The following GRM8 variants were observed in gnomAD, a reference collection of about 807,000 sequenced individuals.
GRM8 encodes glutamate metabotropic receptor 8, also known as metabotropic glutamate receptor 8.
A neutral mutation model predicts 87.2 loss-of-function variants in GRM8; 47 were observed. The ratio of observed to expected loss-of-function variants is 0.54; its 90% CI spans 0.43 to 0.69. GRM8 has a LOEUF of 0.69. GRM8 is among the 30% of genes least tolerant of loss of function. GRM8 has a pLI of 0.00. For synonymous variants in GRM8, 396 were observed against 404.5 expected (o/e 0.98, Z 0.25); for missense variants, 1,019 against 1,139.2 (o/e 0.89, Z 1.52).
intron 3 of GRM8, among the ~76,000 whole-genome samples, chr7:127,087,428 C>G (rs1285228960): frequency 6.6e-6 from 1 of 152,104 alleles, no homozygotes; most frequent in Non-Finnish European, 1.5e-5. Flanking sequence ...TAGGAAGAGG[C>G]AAAATTAAGA....
rs1562928467 is a variant in GRM8 at position 126,532,881 on chromosome 7, G to A, written c.2430+71C>T. On this transcript the variant is annotated intron_variant, in intron 9 of 10. Coordinates refer to ENST00000339582, the MANE Select transcript of GRM8 (RefSeq NM_000845.3). ...GAGAATATAAGTGAACCAAATAAAAGGAGGAAAAGCATCCTAAAAGAAGAT... is the reference window on the plus strand; with the variant it reads ...GAGAATATAAGTGAACCAAATAAAAAGAGGAAAAGCATCCTAAAAGAAGAT... The A allele has an allele frequency of 8.2e-6, 7 of 852,076 alleles. No homozygotes were observed. In the East Asian group the frequency reaches 1.8e-4, roughly 22 times the overall value. The allele number at this position is 852,076 out of a possible 1,614,324, so 52.8% of individuals were successfully genotyped here.
At chr7:126,815,065 A>G (rs1413379841) in intron 6 of GRM8, among the ~76,000 whole-genome samples, 1 of 152,140 alleles carries the variant, frequency 6.6e-6, no homozygotes, top group African/African-American at 2.4e-5. Context: ...CAATGGGCCA[A>G]TTACTTGATG....
At chr7:126,855,455 C>A (rs1037188680) in intron 6 of GRM8, among the ~76,000 whole-genome samples, 1 of 149,710 alleles carries the variant, frequency 6.7e-6, no homozygotes, top group African/African-American at 2.5e-5. Context: ...TTGTAAAGGG[C>A]AGCCCTTATG....
chr7:126,851,564 C>A (rs1353361140), intron 6 of GRM8, among the ~76,000 whole-genome samples: 3 of 152,128 alleles, frequency 2.0e-5, no homozygotes, highest in African/African-American at 7.2e-5. Flanking sequence ...TTAGCTACAC[C>A]TCCTTGTTGT....
intron 3 of GRM8, among the ~76,000 whole-genome samples, chr7:126,972,023 T>A (rs193098689): frequency 6.6e-6 from 1 of 152,274 alleles, no homozygotes; most frequent in Admixed American, 6.5e-5. Context: ...AGAGACAGGG[T>A]CTGCAGGTCA....
At chr7:126,771,871 C>A (rs919915023) in intron 6 of GRM8, among the ~76,000 whole-genome samples, 1 of 152,040 alleles carries the variant, frequency 6.6e-6, no homozygotes, top group African/African-American at 2.4e-5. Context: ...ATATTGTCTC[C>A]TTCAACCTAC....
intron 3 of GRM8, among the ~76,000 whole-genome samples, chr7:127,081,408 C>T (rs1474303560): frequency 6.6e-6 from 1 of 152,252 alleles, no homozygotes; most frequent in Admixed American, 6.5e-5. Flanking sequence ...GGCATCACCC[C>T]TACCCAGAGA....
At chr7:126,507,367 AT>A (rs1408894654) in intron 9 of GRM8, among the ~76,000 whole-genome samples, 2 of 152,098 alleles carry the variant, frequency 1.3e-5, no homozygotes, top group Non-Finnish European at 2.9e-5. Flanking sequence ...TTGAATAAAA[AT>A]AGCACGTCTT....
chr7:126,899,346 C>G (rs927760360), intron 6 of GRM8, among the ~76,000 whole-genome samples: 1 of 152,206 alleles, frequency 6.6e-6, no homozygotes, highest in East Asian at 1.9e-4. Flanking sequence ...ATTCATGTAT[C>G]CTCCTCTCCA....
chr7:126,717,308 C>G (rs1563119668), intron 7 of GRM8, among the ~76,000 whole-genome samples: 1 of 152,100 alleles, frequency 6.6e-6, no homozygotes, highest in Non-Finnish European at 1.5e-5. Flanking sequence ...GTGTGACTGA[C>G]AGGAAGGTCG....
chr7:126,641,246 A>G (rs540477794), intron 7 of GRM8, among the ~76,000 whole-genome samples: 1 of 152,202 alleles, frequency 6.6e-6, no homozygotes, highest in Non-Finnish European at 1.5e-5. Context: ...TATTCAATAA[A>G]ATCTTTTAAA....
intron 6 of GRM8, among the ~76,000 whole-genome samples, chr7:126,793,695 A>G (rs1821625215): frequency 6.6e-6 from 1 of 152,234 alleles, no homozygotes. Context: ...GAATTTAGAC[A>G]GGTTGATCCA....
chr7:126,929,867 A>AGAATG (rs58250531), intron 3 of GRM8, among the ~76,000 whole-genome samples: 6 of 151,702 alleles, frequency 4.0e-5, no homozygotes, highest in South Asian at 4.2e-4. Context: ...GTACTCATAC[A>AGAATG]AGATTTAAAA....
At position 126,633,938 on chromosome 7, in the gene GRM8, CAAGTAT is replaced by C. The variant is rs1801602500; in HGVS notation, c.1358-24446_1358-24441del. ...TATTTCTCATATTTTTAGTATATCA[CAAGTAT>C]ATGAAAAAATGCCTATTTTATCTTA... On this transcript the variant is annotated intron_variant, in intron 7 of 10. Transcript: ENST00000339582. 2.6e-5 allele frequency among the ~76,000 whole-genome samples: 4 copies of C among 151,716 alleles called. No individual in the cohort carries two copies. The South Asian group carries it at 8.3e-4, about 32-fold the overall frequency.
At chr7:127,119,394 G>A (rs1024547928) in intron 2 of GRM8, among the ~76,000 whole-genome samples, 2 of 152,118 alleles carry the variant, frequency 1.3e-5, no homozygotes, top group Non-Finnish European at 2.9e-5. Flanking sequence ...GCTGAGGTAT[G>A]AGAATCACTT....
intron 7 of GRM8, among the ~76,000 whole-genome samples, chr7:126,722,292 A>G (rs1359042779): frequency 2.6e-5 from 4 of 152,146 alleles, no homozygotes; most frequent in Non-Finnish European, 5.9e-5. Context: ...AAGGAAAGTG[A>G]GTTAGCCTAG....
chr7:126,577,974 T>C (rs1352004669), intron 8 of GRM8, among the ~76,000 whole-genome samples: 1 of 152,214 alleles, frequency 6.6e-6, no homozygotes, highest in African/African-American at 2.4e-5. Flanking sequence ...AATCTATTCA[T>C]TTCCTTCTCT....
At chr7:127,028,339 T>C (rs765908851) in intron 3 of GRM8, among the ~76,000 whole-genome samples, 4 of 152,312 alleles carry the variant, frequency 2.6e-5, no homozygotes, top group South Asian at 2.1e-4. Context: ...AGGATGATGC[T>C]GGCCTCATAA....
At chr7:126,529,065 T>C (rs1814381039) in intron 9 of GRM8, among the ~76,000 whole-genome samples, 1 of 152,210 alleles carries the variant, frequency 6.6e-6, no homozygotes, top group Non-Finnish European at 1.5e-5. Flanking sequence ...ACAACTATAA[T>C]AATTCTTGCT....
Sources: allele counts gnomAD v4.1 joint callset (sites outside exome capture counted in the v4.1 genomes callset), GRCh38; gene constraint gnomAD v4.1.1; transcripts MANE v1.5; gene names NCBI Gene and HGNC (gene_info 2026-07-23, HGNC 2026-07-21).